The following ACYP2 variants were observed in gnomAD, a reference collection of about 807,000 sequenced individuals.
ACYP2 encodes the protein acylphosphatase 2, also known as acylphosphatase-2.
Under a neutral mutation model 11.2 loss-of-function variants are expected in ACYP2, and 12 were observed. The observed-to-expected ratio is 1.08, with a 90% CI of 0.69 to 1.74. ACYP2 has a LOEUF of 1.74. Ranked by LOEUF, ACYP2 falls within the 40% of genes most tolerant of loss-of-function variation. ACYP2 has a pLI of 0.00. For synonymous variants in ACYP2, 43 were observed against 32.2 expected, an observed-to-expected ratio of 1.33 and a Z score of -1.13; for missense variants, 134 against 101.9, an observed-to-expected ratio of 1.31 and a Z score of -1.35.
chr2:53,979,730 C>G (rs1671661924), intron 2 of ACYP2, among the ~76,000 whole-genome samples: 2 of 151,962 alleles, frequency 1.3e-5, no homozygotes, highest in South Asian at 4.2e-4. Context: ...TAGATGGAGT[C>G]TCACTCTGTG....
chr2:54,104,248 T>C (rs1421945053), intron 4 of ACYP2, among the ~76,000 whole-genome samples: 1 of 152,218 alleles, frequency 6.6e-6, no homozygotes, highest in Non-Finnish European at 1.5e-5. Context: ...TCAGTAGTCT[T>C]GGAGAACAGA....
At chr2:54,292,963 C>G (rs143862138) in intron 6 of ACYP2, among the ~76,000 whole-genome samples, 471 of 152,302 alleles carry the variant, frequency 3.1e-3, no homozygotes, top group Admixed American at 5.6e-3. Flanking sequence ...CCTAAAATGG[C>G]TAAGGTGGTT....
In ACYP2 at chr2:54,303,484, A is replaced by G. The variant is rs569681587; in HGVS notation, c.405-1204A>G. Among the ~76,000 whole-genome samples, 7 of 152,330 alleles carry G rather than the reference A, an allele frequency of 4.6e-5. 1 individual carries two copies. Among genetic ancestry groups the G allele is most frequent in the African/African-American group, 1.7e-4 (7 of 41,576 alleles). On this transcript the variant is annotated intron_variant, in intron 6 of 6. Transcript: ENST00000607452. ...AAGTTGAAGCTATCAGTTCCTTTTC[A>G]TAAGAACTGAGTTTTTTCTTCAACA...
intron 2 of ACYP2, among the ~76,000 whole-genome samples, chr2:53,997,079 G>A (rs897970319): frequency 6.6e-6 from 1 of 151,986 alleles, no homozygotes; most frequent in African/African-American, 2.4e-5. Flanking sequence ...CCCAATATTC[G>A]TTTGTATTTA....
chr2:54,017,474 C>G (rs928107172), intron 2 of ACYP2, among the ~76,000 whole-genome samples: 2 of 151,892 alleles, frequency 1.3e-5, no homozygotes, highest in South Asian at 4.2e-4. Context: ...AGGCTGATCT[C>G]GAGCTCCTGA....
chr2:54,000,455 GA>G (rs1487340609), intron 2 of ACYP2, among the ~76,000 whole-genome samples: 2 of 152,170 alleles, frequency 1.3e-5, no homozygotes, highest in African/African-American at 4.8e-5. Flanking sequence ...TTGGCACTTT[GA>G]ATTCTCCATT....
chr2:54,102,471 C>A (rs866435634), intron 4 of ACYP2, among the ~76,000 whole-genome samples: 2 of 151,842 alleles, frequency 1.3e-5, no homozygotes, highest in African/African-American at 2.4e-5. Flanking sequence ...ATTGCAGACA[C>A]TTTTTTCTAA....
chr2:53,990,730 C>T (rs1672249494), intron 2 of ACYP2, among the ~76,000 whole-genome samples: 1 of 150,798 alleles, frequency 6.6e-6, no homozygotes, highest in Non-Finnish European at 1.5e-5. Flanking sequence ...GTTGAGAGAG[C>T]TTCTACTGTC....
chr2:54,001,360 C>A (rs1489498682), intron 2 of ACYP2, among the ~76,000 whole-genome samples: 1 of 152,002 alleles, frequency 6.6e-6, no homozygotes, highest in Admixed American at 6.6e-5. Flanking sequence ...ATAGTGAGAC[C>A]TCGTCTCTAA....
At chr2:54,029,405 G>C (rs1188581610) in intron 2 of ACYP2, 1 of 164,012 alleles carries the variant, frequency 6.1e-6, no homozygotes, top group Non-Finnish European at 1.3e-5. Flanking sequence ...TTTCCGTCCA[G>C]AGGTCATATA....
chr2:54,005,026 C>T (rs1672994763), intron 2 of ACYP2, among the ~76,000 whole-genome samples: 1 of 151,816 alleles, frequency 6.6e-6, no homozygotes, highest in Non-Finnish European at 1.5e-5. Context: ...CTTGTCTTCT[C>T]ACTCTCTGTA....
chr2:54,198,170 C>T (rs1233042078), intron 6 of ACYP2, among the ~76,000 whole-genome samples: 1 of 152,050 alleles, frequency 6.6e-6, no homozygotes, highest in African/African-American at 2.4e-5. Flanking sequence ...CAGGCCTGCG[C>T]CACTGCACAT....
chr2:53,995,653 A>G (rs1363029590), intron 2 of ACYP2, among the ~76,000 whole-genome samples: 3 of 151,662 alleles, frequency 2.0e-5, no homozygotes, highest in Non-Finnish European at 4.4e-5. Flanking sequence ...AGGTTTCATC[A>G]TGTTGGCCAG....
chr2:54,095,174 C>G (rs1678455557), intron 4 of ACYP2, among the ~76,000 whole-genome samples: 1 of 152,264 alleles, frequency 6.6e-6, no homozygotes, highest in South Asian at 2.1e-4. Flanking sequence ...GTGGACACAG[C>G]ACATGTTTCA....
At chr2:54,295,320 G>A (rs1024980423) in intron 6 of ACYP2, among the ~76,000 whole-genome samples, 1 of 152,212 alleles carries the variant, frequency 6.6e-6, no homozygotes, top group African/African-American at 2.4e-5. Flanking sequence ...TTCTTTAAGA[G>A]AAGGAATATA....
chr2:54,041,035 TC>T (rs1291736461), intron 2 of ACYP2, among the ~76,000 whole-genome samples: 4 of 152,202 alleles, frequency 2.6e-5, no homozygotes, highest in Admixed American at 2.0e-4. Flanking sequence ...GGTGTCTGGT[TC>T]ACAAGGAAAG....
chr2:54,123,393 C>T lies in ACYP2; in HGVS notation c.278-12060C>T, dbSNP rs192557241. 519 of 398,536 alleles carry T rather than the reference C, an allele frequency of 1.3e-3. 4 individuals are homozygous for T. Among genetic ancestry groups the T allele is most frequent in the African/African-American group, 9.3e-3 (454 of 48,718 alleles). 24.7% of individuals were successfully genotyped at this position (398,536 alleles called of 1,614,324 possible). ...TAAGCAAAATTGGAGAATGACTGCC[C>T]TTGTTCTACAAATAGAGGTAGGAAG... On this transcript the variant is annotated intron_variant, in intron 4 of 6. Coordinates refer to ENST00000607452, the MANE Select transcript of ACYP2 (RefSeq NM_001320586.2).
intron 6 of ACYP2, among the ~76,000 whole-genome samples, chr2:54,217,821 G>A (rs1212177616): frequency 6.6e-6 from 1 of 152,172 alleles, no homozygotes; most frequent in Non-Finnish European, 1.5e-5. Flanking sequence ...AAAGGGAGTA[G>A]AGAATAGCAT....
At chr2:54,046,167 C>CAAA (rs36114622) in intron 2 of ACYP2, among the ~76,000 whole-genome samples, 6 of 55,846 alleles carry the variant, frequency 1.1e-4, no homozygotes, top group Non-Finnish European at 1.3e-4. Flanking sequence ...CAGACCCTGT[C>CAAA]AAAAAAAAAA....
Sources: allele counts gnomAD v4.1 joint callset (sites outside exome capture counted in the v4.1 genomes callset), GRCh38; gene constraint gnomAD v4.1.1; transcripts MANE v1.5; gene names NCBI Gene and HGNC (gene_info 2026-07-23, HGNC 2026-07-21).